SYN3: variants seen among roughly 807,000 people sequenced by gnomAD.
SYN3 encodes the protein synapsin-3.
SYN3 carries 35 observed loss-of-function variants against 65.8 expected under a neutral mutation model. That is an observed-to-expected ratio of 0.53 (90% CI 0.41 to 0.70). The LOEUF (loss-of-function observed/expected upper bound fraction) is 0.70. Ranked by LOEUF, SYN3 falls within the 30% of genes least tolerant of loss-of-function variation. The pLI, the probability that SYN3 is intolerant of heterozygous loss-of-function variation, is 0.00. For missense variants in SYN3, 680 were observed against 749.0 expected, an observed-to-expected ratio of 0.91 and a Z score of 1.08; for synonymous variants, 270 against 292.9, an observed-to-expected ratio of 0.92 and a Z score of 0.80.
At chr22:32,734,709 C>T (rs755077352) in intron 6 of SYN3, among the ~76,000 whole-genome samples, 2 of 152,146 alleles carry the variant, frequency 1.3e-5, no homozygotes, top group Admixed American at 1.3e-4. Context: ...TAGGACATTC[C>T]TGGGTTTATT....
chr22:32,957,761 A>G (rs2051511409), intron 3 of SYN3, among the ~76,000 whole-genome samples: 1 of 152,196 alleles, frequency 6.6e-6, no homozygotes. Context: ...GAAAGGAGGG[A>G]GCCCAAGGGC....
chr22:32,850,491 G>C (rs2048187503), intron 6 of SYN3, among the ~76,000 whole-genome samples: 1 of 152,122 alleles, frequency 6.6e-6, no homozygotes, highest in Non-Finnish European at 1.5e-5. Flanking sequence ...GAATAACTCA[G>C]CAACTGGTTC....
chr22:33,010,352 T>C (rs2053319491), intron 1 of SYN3, among the ~76,000 whole-genome samples: 1 of 152,178 alleles, frequency 6.6e-6, no homozygotes, highest in South Asian at 2.1e-4. Flanking sequence ...AACTTGATTT[T>C]TGAGTGGTAT....
chr22:32,630,126 G>A (rs953248916), intron 6 of SYN3, among the ~76,000 whole-genome samples: 9 of 151,384 alleles, frequency 5.9e-5, no homozygotes, highest in Non-Finnish European at 1.2e-4. Flanking sequence ...TGGGACTACC[G>A]GCGCCCACCA....
intron 6 of SYN3, among the ~76,000 whole-genome samples, chr22:32,754,681 C>T (rs952780063): frequency 5.3e-5 from 8 of 152,220 alleles, no homozygotes; most frequent in African/African-American, 1.9e-4. Flanking sequence ...TCCAGCAAGT[C>T]CTCAGACGTT....
At chr22:32,930,733 G>A (rs997184066) in intron 4 of SYN3, among the ~76,000 whole-genome samples, 5 of 151,920 alleles carry the variant, frequency 3.3e-5, no homozygotes, top group Non-Finnish European at 7.4e-5. Context: ...AGTGTGTATC[G>A]TTCTCTGGGT....
At chr22:32,684,289 T>C (rs2060561818) in intron 6 of SYN3, among the ~76,000 whole-genome samples, 1 of 152,054 alleles carries the variant, frequency 6.6e-6, no homozygotes, top group African/African-American at 2.4e-5. Flanking sequence ...AGTGATCTAA[T>C]CTAAATAATG....
At chr22:33,028,705 G>A (rs1439146674) in intron 1 of SYN3, among the ~76,000 whole-genome samples, 1 of 146,040 alleles carries the variant, frequency 6.8e-6, no homozygotes, top group Non-Finnish European at 1.5e-5. Context: ...TGGTGGTGGT[G>A]GTGGTGGTGG....
chr22:32,727,934 C>T (rs1295522991), intron 6 of SYN3, among the ~76,000 whole-genome samples: 3 of 152,080 alleles, frequency 2.0e-5, no homozygotes, highest in African/African-American at 7.2e-5. Context: ...AGGGAGATAC[C>T]TGTATACCTA....
chr22:32,865,652 C>T (rs1225119135), intron 5 of SYN3, among the ~76,000 whole-genome samples: 1 of 152,172 alleles, frequency 6.6e-6, no homozygotes, highest in Non-Finnish European at 1.5e-5. Context: ...AAGCCACATC[C>T]CTTCCCACTG....
chr22:32,799,954 C>T (rs1262931906), intron 6 of SYN3, among the ~76,000 whole-genome samples: 1 of 152,148 alleles, frequency 6.6e-6, no homozygotes. Context: ...AGAAACATCT[C>T]TACGAGTTAG....
intron 2 of SYN3, among the ~76,000 whole-genome samples, chr22:32,981,134 C>T (rs1157826423): frequency 1.3e-5 from 2 of 150,862 alleles, no homozygotes; most frequent in South Asian, 2.1e-4. Flanking sequence ...GGATTACAGG[C>T]GTGAGCCACC....
chr22:32,990,376 GCATCCATCCACCCATCCATC>G (rs1569384466), intron 2 of SYN3, among the ~76,000 whole-genome samples: 1,061 of 79,126 alleles, frequency 0.013, 21 homozygotes, highest in African/African-American at 0.043. Context: ...ATCCATCCAT[GCATCCATCCACCCATCCATC>G]CATCCATCCA....
intron 6 of SYN3, among the ~76,000 whole-genome samples, chr22:32,779,514 T>TA (rs1422922304): frequency 6.6e-6 from 1 of 152,140 alleles, no homozygotes. Flanking sequence ...GAGACATCAC[T>TA]AGTCACCCCT....
At chr22:32,774,415 AACC>A (rs1235771385) in intron 6 of SYN3, among the ~76,000 whole-genome samples, 17 of 152,092 alleles carry the variant, frequency 1.1e-4, no homozygotes, top group Admixed American at 9.8e-4. Flanking sequence ...GATTGCTAGC[AACC>A]ACCAGAAACT....
At chr22:32,597,559 C>T (rs551007649) in intron 6 of SYN3, among the ~76,000 whole-genome samples, 1 of 152,236 alleles carries the variant, frequency 6.6e-6, no homozygotes, top group Admixed American at 6.5e-5. Flanking sequence ...AAAACTTTCA[C>T]TACTTCCCTT....
chr22:33,043,686 T>C (rs904126494), intron 1 of SYN3, among the ~76,000 whole-genome samples: 11 of 152,222 alleles, frequency 7.2e-5, no homozygotes, highest in African/African-American at 2.7e-4. Flanking sequence ...TGTTTGCTCA[T>C]CGTAAAACAG....
intron 3 of SYN3, among the ~76,000 whole-genome samples, chr22:32,978,633 G>C (rs564055909): frequency 1.3e-5 from 2 of 152,124 alleles, no homozygotes; most frequent in Non-Finnish European, 2.9e-5. Flanking sequence ...AGTTGACTGT[G>C]ACCTCTGCTG....
At chr22:32,872,203 A>G (rs969888870) in intron 4 of SYN3, among the ~76,000 whole-genome samples, 2 of 152,202 alleles carry the variant, frequency 1.3e-5, no homozygotes, top group African/African-American at 4.8e-5. Flanking sequence ...TGTCAGCTCA[A>G]TGGGAACAGA....
Sources: gnomAD v4.1 joint callset for allele counts (sites outside exome capture counted in the v4.1 genomes callset) on GRCh38, gnomAD v4.1.1 for gene constraint, MANE v1.5 for transcripts, NCBI Gene and HGNC (gene_info 2026-07-23, HGNC 2026-07-21) for gene names.